Variants in DCLK2 observed in about 807,000 individuals in gnomAD.
DCLK2 encodes the protein serine/threonine-protein kinase DCLK2.
In DCLK2, 31 loss-of-function variants were observed where a neutral mutation model predicts 78.4. The observed-to-expected ratio is 0.40, with a 90% CI of 0.30 to 0.53. The LOEUF is 0.53. Among genes scored for constraint, DCLK2 ranks in the 20% least tolerant of loss-of-function variants. The pLI is 0.61. For missense variants in DCLK2, 872 were observed against 973.7 expected, an observed-to-expected ratio of 0.90 and a Z score of 1.39; for synonymous variants, 407 against 374.9, an observed-to-expected ratio of 1.09 and a Z score of -0.99.
chr4:150,232,285 A>G, intron 8 of DCLK2, 52 bp from the exon 9 acceptor site: 2 of 1,590,606 alleles, frequency 1.3e-6, no homozygotes, highest in Non-Finnish European at 8.6e-7. Flanking sequence ...GGCCTTCGAG[A>G]GCAGAGGGTT....
chr4:150,254,108 C>A (rs903341638), intron 15 of DCLK2, among the ~76,000 whole-genome samples: 1 of 152,136 alleles, frequency 6.6e-6, no homozygotes, highest in African/African-American at 2.4e-5. Context: ...CCCATGTACC[C>A]CGGGGGGCTC....
chr4:150,227,228 C>T (rs746154691), intron 8 of DCLK2, among the ~76,000 whole-genome samples: 13 of 152,168 alleles, frequency 8.5e-5, no homozygotes, highest in African/African-American at 3.1e-4. Context: ...TCAGGTAATA[C>T]AAACTTGGGA....
rs72963483 is a variant in DCLK2, at chr4:150,091,542, C to G, written c.422-10936C>G. ...GCTTGCTTCTACTCCTAGAGTTAGG[C>G]GTAGTCTCAGTGTCCAAATTTTATA... On this transcript the variant is annotated intron_variant, in intron 1 of 15. Transcript: ENST00000296550. Among the ~76,000 whole-genome samples the G allele has an allele frequency of 6.7e-3, 1,021 of 152,168 alleles. 11 individuals are homozygous for G. The highest frequency in any genetic ancestry group is 0.041 in the Middle Eastern group (12 of 294).
intron 1 of DCLK2, among the ~76,000 whole-genome samples, chr4:150,098,020 A>G (rs898654943): frequency 6.6e-6 from 1 of 152,198 alleles, no homozygotes; most frequent in Non-Finnish European, 1.5e-5. Context: ...ACACCTTATA[A>G]GATACCATGT....
chr4:150,133,675 T>G (rs1017538967), intron 2 of DCLK2, among the ~76,000 whole-genome samples: 8 of 152,270 alleles, frequency 5.3e-5, no homozygotes, highest in Non-Finnish European at 1.0e-4. Context: ...ATGTATATTT[T>G]TCTCTCTGAT....
At chr4:150,139,100 A>G (rs967757970) in intron 2 of DCLK2, among the ~76,000 whole-genome samples, 2 of 152,114 alleles carry the variant, frequency 1.3e-5, no homozygotes, top group Non-Finnish European at 2.9e-5. Flanking sequence ...ATCAAACTCA[A>G]GTGATCCTCC....
At chr4:150,244,453 C>T (rs961846254) in intron 12 of DCLK2, among the ~76,000 whole-genome samples, 1 of 152,202 alleles carries the variant, frequency 6.6e-6, no homozygotes, top group African/African-American at 2.4e-5. Flanking sequence ...TGGGAAATAG[C>T]TTACAACATT....
intron 2 of DCLK2, among the ~76,000 whole-genome samples, chr4:150,181,377 G>A (rs1398500450): frequency 6.6e-6 from 1 of 151,952 alleles, no homozygotes; most frequent in Admixed American, 6.6e-5. Flanking sequence ...TCTCAGTAGG[G>A]GGCAATCAGA....
rs768915804 is a variant in DCLK2 at position 150,102,664 on chromosome 4, G to A, written c.608G>A (p.Arg203Gln). Residue 203 changes from arginine (R) to glutamine (Q), a missense_variant, in exon 2 of 16, where the codon CGA (arginine) becomes CAA (glutamine). Arg to Gln is a conservative substitution (Grantham distance 43). Around this residue, in one of 3 missense-constraint regions of DCLK2, gnomAD observed 567 missense variants for 593.4 expected, o/e 0.96. Transcript: ENST00000296550. ...AAACCCAAGTTAGTGACTGTGATTC[G>A]AAGTGGAGTGAAGCCTAGAAAAGCC... ...FIKPKLVTVI[R>Q]SGVKPRKAVR... The A allele has an allele frequency of 1.2e-5, 20 of 1,614,022 alleles. No individual in the cohort carries two copies. Among genetic ancestry groups the A allele is most frequent in the Middle Eastern group, 1.6e-4 (1 of 6,084 alleles).
intron 1 of DCLK2, among the ~76,000 whole-genome samples, chr4:150,100,310 C>T (rs1225005476): frequency 6.6e-6 from 1 of 152,198 alleles, no homozygotes; most frequent in Non-Finnish European, 1.5e-5. Context: ...AAGGAGCTTC[C>T]TTTACCTACT....
chr4:150,088,635 A>G (rs1729818645), intron 1 of DCLK2, among the ~76,000 whole-genome samples: 1 of 152,126 alleles, frequency 6.6e-6, no homozygotes, highest in Non-Finnish European at 1.5e-5. Flanking sequence ...GCTTTCCTCT[A>G]CTACTGATTG....
Position 150,140,120 on chromosome 4 carries a change from C to T in DCLK2, c.756+37308C>T, listed in dbSNP as rs1734010037. On this transcript the variant is annotated intron_variant, in intron 2 of 15. Coordinates refer to ENST00000296550, the MANE Select transcript of DCLK2 (RefSeq NM_001040260.4). ...TGGTATAAAGAGGGGAATGTAGAAT[C>T]TAATTTTCCCTCCATAGAAAACATA... Among the ~76,000 whole-genome samples, 13 of 152,202 alleles carry T rather than the reference C, an allele frequency of 8.5e-5. 1 individual carries two copies. The South Asian group carries it at 2.7e-3, about 32-fold the overall frequency.
intron 2 of DCLK2, among the ~76,000 whole-genome samples, chr4:150,127,609 C>T (rs1164708431): frequency 6.6e-6 from 1 of 152,146 alleles, no homozygotes; most frequent in African/African-American, 2.4e-5. Flanking sequence ...GACCGTATGA[C>T]CAACAAAAAT....
intron 2 of DCLK2, among the ~76,000 whole-genome samples, chr4:150,121,575 A>T (rs1732542202): frequency 6.6e-6 from 1 of 152,236 alleles, no homozygotes; most frequent in Admixed American, 6.5e-5. Context: ...TCAGTCATTC[A>T]TCAGGGTTGG....
At position 150,219,371 on chromosome 4, in the gene DCLK2, G is replaced by A. The variant is rs1430735242; in HGVS notation, c.1057-1332G>A. Reference sequence around the variant, plus strand: ...GCAACCTCCACCTCCCAGTTCAAGCGATTCTTATGCCTCCCAGGTAGCTGG... The same window carrying A: ...GCAACCTCCACCTCCCAGTTCAAGCAATTCTTATGCCTCCCAGGTAGCTGG... On this transcript the variant is annotated intron_variant, in intron 5 of 15. Coordinates refer to ENST00000296550, the MANE Select transcript of DCLK2 (RefSeq NM_001040260.4). Among the ~76,000 whole-genome samples the A allele has an allele frequency of 8.8e-5, 13 of 147,700 alleles. No individual in the cohort carries two copies. The East Asian group carries it at 2.2e-3, about 25-fold the overall frequency.
At chr4:150,164,056 C>G (rs1416881308) in intron 2 of DCLK2, among the ~76,000 whole-genome samples, 1 of 152,196 alleles carries the variant, frequency 6.6e-6, no homozygotes, top group Non-Finnish European at 1.5e-5. Context: ...TAGGCATAAG[C>G]CACTGCACCA....
intron 2 of DCLK2, among the ~76,000 whole-genome samples, chr4:150,137,522 C>G (rs1272218936): frequency 2.0e-5 from 3 of 152,242 alleles, no homozygotes; most frequent in Admixed American, 6.5e-5. Context: ...AGTGCAATCT[C>G]TCATAGAAGC....
At chr4:150,144,309 A>G (rs941414161) in intron 2 of DCLK2, among the ~76,000 whole-genome samples, 1 of 152,126 alleles carries the variant, frequency 6.6e-6, no homozygotes, top group African/African-American at 2.4e-5. Context: ...TGGTTAGCCA[A>G]TTTCCCCAGT....
intron 10 of DCLK2, among the ~76,000 whole-genome samples, chr4:150,234,916 C>A (rs942259337): frequency 2.4e-4 from 37 of 152,156 alleles, no homozygotes; most frequent in African/African-American, 8.4e-4. Flanking sequence ...CAGGCTCCTC[C>A]ACCGTCGAAC....
Sources: gnomAD v4.1 joint callset for allele counts (sites outside exome capture counted in the v4.1 genomes callset) on GRCh38, gnomAD v4.1.1 for gene constraint, gnomAD v4.1.1 regional missense constraint, MANE v1.5 for transcripts, NCBI Gene and HGNC (gene_info 2026-07-23, HGNC 2026-07-21) for gene names.